DYNC2I1: variants seen among roughly 807,000 people sequenced by gnomAD.
DYNC2I1 encodes dynein 2 intermediate chain 1, also known as cytoplasmic dynein 2 intermediate chain 1.
In DYNC2I1, 89 loss-of-function variants were observed where a neutral mutation model predicts 133.4. That is an observed-to-expected ratio of 0.67 (90% CI 0.56 to 0.80). The LOEUF (loss-of-function observed/expected upper bound fraction) is 0.80, where lower values mean the gene tolerates loss of function less well. Ranked by LOEUF, DYNC2I1 falls within the 30% of genes least tolerant of loss-of-function variation. The pLI, the probability that DYNC2I1 is intolerant of heterozygous loss-of-function variation, is 0.00. For synonymous variants in DYNC2I1, 504 were observed against 484.3 expected (o/e 1.04, Z -0.54); for missense variants, 1,291 against 1,314.5 (o/e 0.98, Z 0.28).
At chr7:158,853,200 G>C (rs1841094380), upstream of DYNC2I1, among the ~76,000 whole-genome samples, 1 of 152,162 alleles carries the variant, frequency 6.6e-6, no homozygotes, top group South Asian at 2.1e-4. Flanking sequence ...GCCACAAGGG[G>C]AGGATGTAAA....
At chr7:158,883,218 C>CTTTT in intron 5 of DYNC2I1, among the ~76,000 whole-genome samples, 1 of 134,398 alleles carries the variant, frequency 7.4e-6, no homozygotes, top group Non-Finnish European at 1.6e-5. Flanking sequence ...TTTTCTTCTT[C>CTTTT]TTTTTTTTTT....
chr7:158,937,622 G>GGAAAAAAAAAAAAAAA (rs111410863), intron 23 of DYNC2I1, among the ~76,000 whole-genome samples: 1 of 109,466 alleles, frequency 9.1e-6, no homozygotes, highest in Non-Finnish European at 1.8e-5. Flanking sequence ...ACTGTCTCAA[G>GGAAAAAAAAAAAAAAA]AAAAAAAAAA....
intron 17 of DYNC2I1, among the ~76,000 whole-genome samples, chr7:158,923,958 T>C (rs1192747499): frequency 6.6e-6 from 1 of 152,230 alleles, no homozygotes; most frequent in East Asian, 1.9e-4. Context: ...TTAATAAATT[T>C]GTGGATTCTA....
chr7:158,898,742 T>G (rs1045425567), intron 8 of DYNC2I1, among the ~76,000 whole-genome samples: 2 of 152,206 alleles, frequency 1.3e-5, no homozygotes, highest in African/African-American at 4.8e-5. Context: ...TTTGTTACTA[T>G]TTTTTATTTG....
At chr7:158,942,171 A>AGGTC (rs1851441690) in intron 24 of DYNC2I1, 23 bp downstream of exon 24, 9 of 1,496,952 alleles carry the variant, frequency 6.0e-6, no homozygotes, top group Non-Finnish European at 8.0e-6. Context: ...GCTCTGGACC[A>AGGTC]GCTGCTGGTT....
chr7:158,929,574 A>G (rs539302651), intron 20 of DYNC2I1, among the ~76,000 whole-genome samples: 106 of 152,330 alleles, frequency 7.0e-4, no homozygotes, highest in African/African-American at 2.3e-3. Context: ...GAAGCTTCAC[A>G]TTTGTGAATA....
chr7:158,895,242 T>G (rs1480172207), intron 8 of DYNC2I1, among the ~76,000 whole-genome samples: 2 of 152,238 alleles, frequency 1.3e-5, no homozygotes, highest in African/African-American at 2.4e-5. Context: ...TCATCTAGAT[T>G]TGTCCTGTGC....
intron 11 of DYNC2I1, among the ~76,000 whole-genome samples, chr7:158,909,025 G>A (rs1428421330): frequency 1.3e-5 from 2 of 152,054 alleles, no homozygotes; most frequent in African/African-American, 4.8e-5. Context: ...GAATAGGCAA[G>A]GTATTAAAAA....
At chr7:158,871,999 A>G (rs942113008) in intron 3 of DYNC2I1, among the ~76,000 whole-genome samples, 1 of 151,740 alleles carries the variant, frequency 6.6e-6, no homozygotes, top group African/African-American at 2.4e-5. Context: ...ACTTTTTATC[A>G]TTGTTTTTCT....
At chr7:158,943,709 A>T (rs889356925) in intron 24 of DYNC2I1, among the ~76,000 whole-genome samples, 4 of 152,120 alleles carry the variant, frequency 2.6e-5, no homozygotes, top group African/African-American at 9.7e-5. Context: ...GTTTGTTGTC[A>T]TTAGCAGGTT....
intron 7 of DYNC2I1, among the ~76,000 whole-genome samples, chr7:158,888,578 T>C (rs1844853626): frequency 6.6e-6 from 1 of 151,686 alleles, no homozygotes; most frequent in South Asian, 2.1e-4. Flanking sequence ...TTCAAGCGAT[T>C]CGTGCCTCAG....
intron 1 of DYNC2I1, among the ~76,000 whole-genome samples, chr7:158,858,070 C>T (rs1841478338): frequency 1.3e-5 from 2 of 152,124 alleles, no homozygotes; most frequent in Admixed American, 1.3e-4. Flanking sequence ...GGATTACAGG[C>T]GTGAGCCACC....
the DYNC2I1 span, among the ~76,000 whole-genome samples, chr7:158,848,215 G>A: frequency 3.3e-5 from 5 of 152,318 alleles, no homozygotes; most frequent in South Asian, 1.0e-3. Flanking sequence ...GAAGGGAACT[G>A]CTCAACTCTC....
At chr7:158,873,421 C>T (rs1843056894) in intron 3 of DYNC2I1, among the ~76,000 whole-genome samples, 1 of 152,154 alleles carries the variant, frequency 6.6e-6, no homozygotes, top group South Asian at 2.1e-4. Context: ...CTGTTTATCC[C>T]CTTCACTGCT....
At chr7:158,882,623 A>G (rs971445278) in intron 5 of DYNC2I1, among the ~76,000 whole-genome samples, 1 of 152,182 alleles carries the variant, frequency 6.6e-6, no homozygotes, top group Non-Finnish European at 1.5e-5. Flanking sequence ...CTATAATCCT[A>G]GCACTTTGGG....
intron 11 of DYNC2I1, among the ~76,000 whole-genome samples, 172 bp from the exon 12 acceptor site, chr7:158,911,378 C>T (rs1471322798): frequency 2.0e-5 from 3 of 152,136 alleles, no homozygotes; most frequent in Non-Finnish European, 4.4e-5. Context: ...CCACGACTGT[C>T]TACTACTCAG....
intron 6 of DYNC2I1, 144 bp downstream of exon 6, chr7:158,884,763 T>TTGGAGGGGCTAAGGGGTAA: frequency 1.4e-6 from 1 of 705,786 alleles, no homozygotes; most frequent in Non-Finnish European, 2.1e-6. Flanking sequence ...TTTTACCCCT[T>TTGGAGGGGCTAAGGGGTAA]AGCCCCTCCA....
chr7:158,932,015 G>C (rs1850267020), intron 21 of DYNC2I1, among the ~76,000 whole-genome samples: 1 of 152,162 alleles, frequency 6.6e-6, no homozygotes, highest in African/African-American at 2.4e-5. Context: ...CTGTGAGGCA[G>C]GTCCCACGGC....
intron 1 of DYNC2I1, among the ~76,000 whole-genome samples, chr7:158,865,360 A>C (rs1218688717): frequency 1.3e-5 from 2 of 152,234 alleles, no homozygotes; most frequent in Non-Finnish European, 2.9e-5. Context: ...GGATGTAAAC[A>C]TTGTTCAGGG....
Sources: gnomAD v4.1 joint callset for allele counts (sites outside exome capture counted in the v4.1 genomes callset) on GRCh38, gnomAD v4.1.1 for gene constraint, MANE v1.5 for transcripts, NCBI Gene and HGNC (gene_info 2026-07-23, HGNC 2026-07-21) for gene names.